HOMER2: variants seen among roughly 807,000 people sequenced by gnomAD.
HOMER2 encodes homer scaffold protein 2, also known as homer protein homolog 2.
Under a neutral mutation model 47.0 loss-of-function variants are expected in HOMER2, and 27 were observed. That is an observed-to-expected ratio of 0.57 (90% CI 0.42 to 0.79). The LOEUF (loss-of-function observed/expected upper bound fraction) is 0.79, where lower values mean the gene tolerates loss of function less well. HOMER2 is among the 30% of genes least tolerant of loss of function. The pLI is 0.00. For synonymous variants in HOMER2, 161 were observed against 163.8 expected, an observed-to-expected ratio of 0.98 and a Z score of 0.13; for missense variants, 443 against 435.0, an observed-to-expected ratio of 1.02 and a Z score of -0.16.
At chr15:82,851,104 G>T in intron 8 of HOMER2, 47 bp downstream of exon 8, 1 of 1,188,540 alleles carries the variant, frequency 8.4e-7, no homozygotes, top group Non-Finnish European at 1.2e-6. Flanking sequence ...CATGACATTT[G>T]TGCCTTCTTG....
chr15:82,914,226 C>CACACAA (rs1555427444), intron 1 of HOMER2, among the ~76,000 whole-genome samples: 3 of 133,186 alleles, frequency 2.3e-5, no homozygotes, highest in African/African-American at 8.6e-5. Flanking sequence ...CACACACACA[C>CACACAA]AATTAGCCAG....
intron 7 of HOMER2, among the ~76,000 whole-genome samples, chr15:82,851,631 T>A (rs2051399584): frequency 6.6e-6 from 1 of 152,086 alleles, no homozygotes; most frequent in Non-Finnish European, 1.5e-5. Context: ...TGGGCTGCGG[T>A]GTGGTGGGCA....
intron 1 of HOMER2, among the ~76,000 whole-genome samples, chr15:82,939,510 T>C (rs1465707369): frequency 6.6e-6 from 1 of 151,946 alleles, no homozygotes; most frequent in African/African-American, 2.4e-5. Flanking sequence ...CTACTAAAAA[T>C]ACAAAAAAAA....
intron 6 of HOMER2, chr15:82,852,512 G>A: frequency 2.6e-6 from 1 of 381,354 alleles, no homozygotes; most frequent in Non-Finnish European, 4.7e-6. Flanking sequence ...AATAAAGCCT[G>A]CCTTCAAGAT....
At chr15:82,933,843 G>A (rs192229900) in intron 1 of HOMER2, among the ~76,000 whole-genome samples, 3 of 152,176 alleles carry the variant, frequency 2.0e-5, no homozygotes, top group East Asian at 1.9e-4. Context: ...TCACACTCAC[G>A]AAAGACCCGC....
At chr15:82,867,490 A>C (rs2052012919) in intron 3 of HOMER2, among the ~76,000 whole-genome samples, 2 of 152,342 alleles carry the variant, frequency 1.3e-5, no homozygotes, top group Middle Eastern at 3.4e-3. Context: ...CAAACTGAAA[A>C]GTATGACAAG....
intron 4 of HOMER2, among the ~76,000 whole-genome samples, chr15:82,862,887 G>T (rs558771579): frequency 6.6e-6 from 1 of 152,010 alleles, no homozygotes; most frequent in East Asian, 1.9e-4. Flanking sequence ...ACAAACCCAG[G>T]GTCCCTGTCA....
intron 4 of HOMER2, among the ~76,000 whole-genome samples, chr15:82,860,065 T>G (rs1192832203): frequency 1.3e-5 from 2 of 151,820 alleles, no homozygotes; most frequent in Non-Finnish European, 2.9e-5. Flanking sequence ...CTGGCCAACA[T>G]AGTGAAACCC....
At chr15:82,951,245 T>C (rs768624687) in intron 1 of HOMER2, among the ~76,000 whole-genome samples, 3 of 152,122 alleles carry the variant, frequency 2.0e-5, no homozygotes, top group Non-Finnish European at 4.4e-5. Flanking sequence ...TCATCTCGCC[T>C]CCTCCTCTCT....
chr15:82,917,226 C>G (rs917530275), intron 1 of HOMER2, among the ~76,000 whole-genome samples: 1 of 152,212 alleles, frequency 6.6e-6, no homozygotes, highest in Non-Finnish European at 1.5e-5. Context: ...CCCTTCTAGG[C>G]AGAATTTATG....
chr15:82,839,224 C>T (rs1047031608), exon 2 of HOMER2: 1 of 152,230 alleles, frequency 6.6e-6, no homozygotes, highest in African/African-American at 2.4e-5. Flanking sequence ...AAGAAAAGTG[C>T]CTCATAGGTT....
intron 1 of HOMER2, among the ~76,000 whole-genome samples, chr15:82,947,318 C>T (rs1240833299): frequency 2.0e-5 from 3 of 152,164 alleles, no homozygotes; most frequent in Non-Finnish European, 2.9e-5. Context: ...AATGAATGAA[C>T]ATCAAAAGAA....
chr15:82,928,958 A>AAAAAAAAAAAAAAAAAAAAAAAAAG (rs2053933253), intron 1 of HOMER2, among the ~76,000 whole-genome samples: 1 of 148,802 alleles, frequency 6.7e-6, no homozygotes, highest in African/African-American at 2.5e-5. Flanking sequence ...AAAAAAAAAA[A>AAAAAAAAAAAAAAAAAAAAAAAAAG]AAGCTGTCAT....
At chr15:82,945,134 T>C (rs987792162) in intron 1 of HOMER2, among the ~76,000 whole-genome samples, 2 of 151,948 alleles carry the variant, frequency 1.3e-5, no homozygotes, top group African/African-American at 4.8e-5. Context: ...CCAATGTTAA[T>C]TGTGATCTTG....
At chr15:82,975,556 G>C (rs1013175144) in intron 1 of HOMER2, among the ~76,000 whole-genome samples, 4 of 152,216 alleles carry the variant, frequency 2.6e-5, no homozygotes, top group Admixed American at 2.6e-4. Context: ...CCTGTCATTT[G>C]CAACACCATA....
chr15:82,843,600 G>A (rs570871054), exon 2 of HOMER2: 12 of 147,098 alleles, frequency 8.2e-5, no homozygotes, highest in African/African-American at 1.0e-4. Flanking sequence ...AAAGCCATAC[G>A]TGCAACTTAA....
At position 82,939,984 on chromosome 15, in the gene HOMER2, G is replaced by A. The variant is rs371170692; in HGVS notation, c.5+12547C>T. Among the ~76,000 whole-genome samples the A allele has an allele frequency of 1.2e-3, 188 of 152,234 alleles. 1 individual carries two copies. The highest frequency in any genetic ancestry group is 4.2e-3 in the African/African-American group (176 of 41,536). On this transcript the variant is annotated intron_variant, in intron 1 of 8. Coordinates refer to ENST00000450735, the MANE Select transcript of HOMER2 (RefSeq NM_004839.4). ...TCGCAAGGACAGAAAACCAAACACCGCATGTTCTCACTCATAAGTGGGAAT... is the reference window on the plus strand; with the variant it reads ...TCGCAAGGACAGAAAACCAAACACCACATGTTCTCACTCATAAGTGGGAAT...
At chr15:82,858,900 CA>C (rs2051679113) in intron 5 of HOMER2, 128 bp downstream of exon 5, 2 of 1,076,766 alleles carry the variant, frequency 1.9e-6, no homozygotes, top group Admixed American at 5.8e-5. Context: ...CACCAGGAGA[CA>C]AGAGTGGATG....
downstream of HOMER2, among the ~76,000 whole-genome samples, chr15:82,847,672 G>A (rs940964449): frequency 2.0e-5 from 3 of 152,192 alleles, no homozygotes; most frequent in East Asian, 1.9e-4. Context: ...TCAGTCAAGC[G>A]GGCTCTTTCT....
Sources: gnomAD v4.1 joint callset for allele counts (sites outside exome capture counted in the v4.1 genomes callset) on GRCh38, gnomAD v4.1.1 for gene constraint, MANE v1.5 for transcripts, NCBI Gene and HGNC (gene_info 2026-07-23, HGNC 2026-07-21) for gene names.